ARID1A: variants seen among roughly 807,000 people sequenced by gnomAD.
The protein encoded by ARID1A is AT-rich interaction domain 1A, also known as AT-rich interactive domain-containing protein 1A.
Under a neutral mutation model 212.6 loss-of-function variants are expected in ARID1A, and 20 were observed. That is an observed-to-expected ratio of 0.09 (90% CI 0.07 to 0.14). ARID1A has a LOEUF of 0.14. Among genes scored for constraint, ARID1A ranks in the 10% least tolerant of loss-of-function variants. The probability of loss-of-function intolerance (pLI) is 1.00; values close to 1 mark genes in which losing one functional copy is unlikely to be tolerated. For missense variants in ARID1A, 2,587 were observed against 3,059.0 expected, an observed-to-expected ratio of 0.85 and a Z score of 3.64; for synonymous variants, 1,376 against 1,222.1, an observed-to-expected ratio of 1.13 and a Z score of -2.63.
chr1:26,706,414 G>T (rs187424441), intron 1 of ARID1A, among the ~76,000 whole-genome samples: 2 of 152,254 alleles, frequency 1.3e-5, no homozygotes, highest in East Asian at 1.9e-4. Context: ...GTGCTTGGGG[G>T]TTGTTGTGAT....
chr1:26,756,545 G>T (rs551953209), intron 4 of ARID1A, among the ~76,000 whole-genome samples: 1 of 145,384 alleles, frequency 6.9e-6, no homozygotes, highest in African/African-American at 2.5e-5. Flanking sequence ...GACAGACCCA[G>T]ACCGAGACCC....
At chr1:26,705,018 G>A (rs1215810288) in intron 1 of ARID1A, among the ~76,000 whole-genome samples, 2 of 152,144 alleles carry the variant, frequency 1.3e-5, no homozygotes, top group Non-Finnish European at 2.9e-5. Flanking sequence ...GCACTTCACC[G>A]GTCAAGGATC....
At position 26,766,440 on chromosome 1, in the gene ARID1A, T is replaced by G. The variant is rs1414366392; in HGVS notation, c.2879-17T>G. On this transcript the variant is annotated splice_polypyrimidine_tract_variant and intron_variant, in intron 9 of 19. Transcript: ENST00000324856. ...AGCTAAACTTACTGGACTTGAGAAT[T>G]TTTTTCTCTTTTACAGGGATGGCAG... 6.2e-7 allele frequency: 1 copy of G among 1,613,686 alleles called. No individual in the cohort carries two copies. Among genetic ancestry groups the G allele is most frequent in the East Asian group, 2.2e-5 (1 of 44,886 alleles).
chr1:26,699,383 G>A (rs377186313), intron 1 of ARID1A, among the ~76,000 whole-genome samples: 21 of 152,278 alleles, frequency 1.4e-4, no homozygotes, highest in African/African-American at 4.8e-4. Flanking sequence ...CAAAGAGGGG[G>A]AAGCTCCATT....
rs751627579 is a variant in ARID1A at position 26,761,373 on chromosome 1, G to C, written c.2162-11G>C. ...CCATGATATGCTTATGTTGTTCTTT[G>C]TCTGGAGCAGGCAACCAGATGCCAC... On this transcript the variant is annotated splice_polypyrimidine_tract_variant and intron_variant, in intron 5 of 19. Coordinates refer to ENST00000324856, the MANE Select transcript of ARID1A (RefSeq NM_006015.6). 1 of 1,614,014 alleles carries C rather than the reference G, an allele frequency of 6.2e-7. No homozygotes were observed. Among genetic ancestry groups the C allele is most frequent in the Non-Finnish European group, 8.5e-7 (1 of 1,179,890 alleles).
chr1:26,737,815 A>G (rs952466320), intron 4 of ARID1A, among the ~76,000 whole-genome samples: 10 of 151,924 alleles, frequency 6.6e-5, no homozygotes, highest in African/African-American at 2.2e-4. Context: ...CGGTGAGCCA[A>G]GATGGTGCCA....
chr1:26,763,529 T>C lies in ARID1A; in HGVS notation c.2732+244T>C, dbSNP rs535764958. 7.9e-5 allele frequency among the ~76,000 whole-genome samples: 12 copies of C among 152,280 alleles called. No homozygotes were observed. The South Asian group carries it at 2.5e-3, about 32-fold the overall frequency. On this transcript the variant is annotated intron_variant, in intron 8 of 19. Transcript: ENST00000324856. Reference sequence around the variant, plus strand: ...GGCTCATGCCTGTAATCCTAGCACTTTGGGAGGCCAAGGCGGGCAGATCAT... The same window carrying C: ...GGCTCATGCCTGTAATCCTAGCACTCTGGGAGGCCAAGGCGGGCAGATCAT...
At position 26,731,326 on chromosome 1, in the gene ARID1A, C is replaced by G. The variant is rs1453816622; in HGVS notation, c.1525C>G (p.Pro509Ala). The G allele has an allele frequency of 6.2e-7, 1 of 1,613,772 alleles. No individual in the cohort carries two copies. Among genetic ancestry groups the G allele is most frequent in the Non-Finnish European group, 8.5e-7 (1 of 1,179,974 alleles). The stretch of plus-strand genomic sequence containing the variant: ...TCAGCAGCAGCCACAGTCTCAACCA[C>G]CACAGCTCCAGTCCTCTCAGCCTCC... ...SYQQQPQSQP[P>A]QLQSSQPPYS... Residue 509 changes from proline (P) to alanine (A), a missense_variant, in exon 3 of 20, where the codon CCA becomes GCA. By Grantham distance (27) the Pro-to-Ala change is conservative. Transcript: ENST00000324856.
At chr1:26,763,949 C>G (rs2081016346) in intron 8 of ARID1A, among the ~76,000 whole-genome samples, 1 of 152,024 alleles carries the variant, frequency 6.6e-6, no homozygotes, top group Non-Finnish European at 1.5e-5. Flanking sequence ...CCACCACACC[C>G]AGCTAATTTT....
In ARID1A at chr1:26,781,453, TGAG is replaced by T. The variant is rs1230974226; in HGVS notation, c.*701_*703del. ...TTTAAAAATGTTTTTAGTTAAACGT[TGAG>T]GAGAAAAAAAAAAAAGGCTTTTCCC... On this transcript the variant is annotated 3_prime_UTR_variant, in exon 20 of 20. Transcript: ENST00000324856. 4.7e-5 allele frequency: 11 copies of T among 233,070 alleles called. No homozygotes were observed. The highest frequency in any genetic ancestry group is 1.1e-4 in the Admixed American group (2 of 17,746). 14.4% of individuals were successfully genotyped at this position (233,070 alleles called of 1,614,324 possible). A position where few individuals can be genotyped will look rare whatever the true frequency, so the allele number is the denominator to read the frequency against.
chr1:26,731,736 CATG>C, intron 3 of ARID1A, 132 bp downstream of exon 3: 1 of 968,758 alleles, frequency 1.0e-6, no homozygotes, highest in East Asian at 2.6e-5. Context: ...TCTGGGTAAA[CATG>C]ATAACTGGAT....
rs375845149 is a variant in ARID1A at position 26,704,824 on chromosome 1, A to G, written c.1137+7284A>G. 2.8e-4 allele frequency among the ~76,000 whole-genome samples: 42 copies of G among 151,280 alleles called. No individual in the cohort carries two copies. The East Asian group carries it at 4.5e-3, about 16-fold the overall frequency. On this transcript the variant is annotated intron_variant, in intron 1 of 19. Coordinates refer to ENST00000324856, the MANE Select transcript of ARID1A (RefSeq NM_006015.6). ...TTGTAAGCCATGATTACGCCAGTGC[A>G]CTCCAGCCTGGGCAATGGAGCCAAG...
intron 18 of ARID1A, 52 bp downstream of exon 18, chr1:26,775,272 C>A (rs2124124732): frequency 6.6e-7 from 1 of 1,520,758 alleles, no homozygotes; most frequent in South Asian, 1.3e-5. Context: ...TCCATCTTGT[C>A]CATTGTTCCC....
chr1:26,703,437 C>T (rs966967255), intron 1 of ARID1A, among the ~76,000 whole-genome samples: 2 of 152,182 alleles, frequency 1.3e-5, no homozygotes, highest in African/African-American at 2.4e-5. Flanking sequence ...TTGATTCTGA[C>T]ACCAGTTTTC....
At chr1:26,697,802 C>T (rs2124746166) in intron 1 of ARID1A, among the ~76,000 whole-genome samples, 1 of 112,010 alleles carries the variant, frequency 8.9e-6, no homozygotes, top group Admixed American at 1.2e-4. Context: ...CTCCAGGGGT[C>T]TTGATGGGGG....
At position 26,696,973 on chromosome 1, in the gene ARID1A, G is replaced by C. The variant is rs984938429; in HGVS notation, c.570G>C (p.Gly190=). 9 of 1,481,234 alleles carry C rather than the reference G, an allele frequency of 6.1e-6. No individual in the cohort carries two copies. Among genetic ancestry groups the C allele is most frequent in the South Asian group, 1.4e-5 (1 of 74,022 alleles). The allele number at this position is 1,481,234 out of a possible 1,614,324, so 91.8% of individuals were successfully genotyped here. The change falls in exon 1 of 20, where the codon GGG becomes GGC. Residue 190 remains glycine, a synonymous_variant. Transcript: ENST00000324856. ...GLAALQSGGG[G]GLEPYAGPQQ... The stretch of plus-strand genomic sequence containing the variant: ...CAGCGCTGCAGAGCGGCGGCGGCGG[G>C]GGCCTGGAGCCCTACGCGGGGCCCC...
intron 1 of ARID1A, among the ~76,000 whole-genome samples, chr1:26,711,246 A>C (rs1234999116): frequency 1.3e-5 from 2 of 152,028 alleles, no homozygotes; most frequent in East Asian, 3.9e-4. Flanking sequence ...AGCTGGGATT[A>C]CAGGTCCACG....
At chr1:26,751,417 C>G (rs2080884264) in intron 4 of ARID1A, among the ~76,000 whole-genome samples, 1 of 152,102 alleles carries the variant, frequency 6.6e-6, no homozygotes, top group African/African-American at 2.4e-5. Context: ...GGTTGTTGGC[C>G]TTACCTCTAT....
intron 4 of ARID1A, among the ~76,000 whole-genome samples, chr1:26,746,443 C>T (rs933407125): frequency 7.9e-5 from 12 of 152,318 alleles, no homozygotes; most frequent in Admixed American, 3.9e-4. Flanking sequence ...TGTTTCATGT[C>T]TGCCCTTGGG....
Sources: allele counts gnomAD v4.1 joint callset (sites outside exome capture counted in the v4.1 genomes callset), GRCh38; gene constraint gnomAD v4.1.1; transcripts MANE v1.5; gene names NCBI Gene and HGNC (gene_info 2026-07-23, HGNC 2026-07-21).